Variants in CSMD2 observed in about 807,000 individuals in gnomAD.
The protein encoded by CSMD2 is CUB and Sushi multiple domains 2, also known as CUB and sushi domain-containing protein 2.
A neutral mutation model predicts 398.5 loss-of-function variants in CSMD2; 130 were observed. The observed-to-expected ratio is 0.33, with a 90% CI of 0.28 to 0.38. The LOEUF (loss-of-function observed/expected upper bound fraction) is 0.38, where lower values mean the gene tolerates loss of function less well. CSMD2 is among the 10% of genes least tolerant of loss of function. The probability of loss-of-function intolerance (pLI) is 1.00; values close to 1 mark genes in which losing one functional copy is unlikely to be tolerated. For synonymous variants in CSMD2, 1,828 were observed against 1,908.5 expected, an observed-to-expected ratio of 0.96 and a Z score of 1.10; for missense variants, 3,829 against 4,764.9, an observed-to-expected ratio of 0.80 and a Z score of 5.78.
chr1:33,927,983 C>T (rs987912995), intron 4 of CSMD2, among the ~76,000 whole-genome samples: 2 of 152,210 alleles, frequency 1.3e-5, no homozygotes, highest in African/African-American at 4.8e-5. Flanking sequence ...CATGGAAGGT[C>T]AAGGGGAAAC....
At chr1:34,019,567 C>T (rs1188348370) in intron 3 of CSMD2, among the ~76,000 whole-genome samples, 2 of 152,202 alleles carry the variant, frequency 1.3e-5, no homozygotes, top group Non-Finnish European at 2.9e-5. Context: ...TGGCACCATC[C>T]TCAGTGCTGG....
At chr1:33,951,691 A>C (rs1437213440) in intron 3 of CSMD2, among the ~76,000 whole-genome samples, 2 of 151,932 alleles carry the variant, frequency 1.3e-5, no homozygotes, top group Non-Finnish European at 1.5e-5. Context: ...GCTTCTTGTG[A>C]CTCTTTGATG....
chr1:34,156,122 G>A (rs1413165550), intron 1 of CSMD2, among the ~76,000 whole-genome samples: 1 of 152,214 alleles, frequency 6.6e-6, no homozygotes, highest in Non-Finnish European at 1.5e-5. Context: ...ACATTGAGAT[G>A]TCTGTTTTCG....
intron 10 of CSMD2, among the ~76,000 whole-genome samples, chr1:33,796,231 C>T (rs2124896767): frequency 1.3e-5 from 2 of 152,316 alleles, no homozygotes; most frequent in South Asian, 4.1e-4. Context: ...AGAGCTGAGA[C>T]CTACAATGTG....
intron 10 of CSMD2, among the ~76,000 whole-genome samples, chr1:33,796,333 C>G (rs150238846): frequency 2.7e-4 from 41 of 152,226 alleles, no homozygotes; most frequent in African/African-American, 8.2e-4. Flanking sequence ...GAGGGACCAG[C>G]TGGAGCTGTG....
chr1:33,763,412 G>T (rs1650088196), intron 13 of CSMD2, among the ~76,000 whole-genome samples: 1 of 152,156 alleles, frequency 6.6e-6, no homozygotes, highest in African/African-American at 2.4e-5. Flanking sequence ...TGGGGGACAA[G>T]GCCAAGAATT....
chr1:33,734,150 G>A (rs1453844965), intron 15 of CSMD2, among the ~76,000 whole-genome samples: 3 of 152,220 alleles, frequency 2.0e-5, no homozygotes, highest in African/African-American at 7.2e-5. Flanking sequence ...GTCATGAGGA[G>A]AACTGACCTT....
At chr1:34,005,034 C>T (rs372786144) in intron 3 of CSMD2, among the ~76,000 whole-genome samples, 2 of 152,168 alleles carry the variant, frequency 1.3e-5, no homozygotes, top group African/African-American at 4.8e-5. Context: ...AATCCCCCAC[C>T]ACTTTCCATC....
At chr1:34,086,028 AAAAAAAAG>A (rs1457895404) in intron 2 of CSMD2, among the ~76,000 whole-genome samples, 1 of 151,394 alleles carries the variant, frequency 6.6e-6, no homozygotes, top group African/African-American at 2.4e-5. Context: ...TGGAAAAAAA[AAAAAAAAG>A]AAAGAAAGAA....
chr1:33,586,937 T>C lies in CSMD2; in HGVS notation c.6937+151A>G, dbSNP rs912318796. 6 of 627,834 alleles carry C rather than the reference T, an allele frequency of 9.6e-6. No individual in the cohort carries two copies. The East Asian group carries it at 1.7e-4, about 17-fold the overall frequency. 38.9% of individuals were successfully genotyped at this position (627,834 alleles called of 1,614,324 possible). On this transcript the variant is annotated intron_variant, in intron 45 of 70. Coordinates refer to ENST00000373381, the MANE Select transcript of CSMD2 (RefSeq NM_001281956.2). ...GATTTTATTTTGGGTGTAAACTCAG[T>C]GGGCAGAACCCTCTGGCACAGGGCC...
intron 48 of CSMD2, among the ~76,000 whole-genome samples, chr1:33,578,904 T>G (rs994239292): frequency 6.6e-6 from 1 of 152,310 alleles, no homozygotes; most frequent in South Asian, 2.1e-4. Context: ...GTTTCCCTAC[T>G]CCTGCTTTGC....
At chr1:33,852,404 T>G (rs1443965565) in intron 5 of CSMD2, among the ~76,000 whole-genome samples, 1 of 152,226 alleles carries the variant, frequency 6.6e-6, no homozygotes, top group Non-Finnish European at 1.5e-5. Context: ...ACACACACTT[T>G]GAGATCCAGC....
intron 3 of CSMD2, among the ~76,000 whole-genome samples, chr1:34,019,462 C>T (rs536976733): frequency 1.3e-5 from 2 of 152,324 alleles, no homozygotes; most frequent in Non-Finnish European, 2.9e-5. Context: ...CTAAGCTGCT[C>T]CACGTAGAGG....
chr1:34,139,047 A>G (rs1014343318), intron 1 of CSMD2, among the ~76,000 whole-genome samples: 9 of 152,190 alleles, frequency 5.9e-5, no homozygotes, highest in African/African-American at 2.2e-4. Flanking sequence ...TATTTTCCCA[A>G]ATCTCTATGT....
intron 3 of CSMD2, among the ~76,000 whole-genome samples, chr1:33,951,817 C>T (rs2125371036): frequency 6.6e-6 from 1 of 152,362 alleles, no homozygotes; most frequent in East Asian, 1.9e-4. Context: ...CACCCTCAAC[C>T]ACGCACACTC....
intron 32 of CSMD2, among the ~76,000 whole-genome samples, chr1:33,629,396 C>T (rs542663980): frequency 2.0e-5 from 3 of 152,172 alleles, no homozygotes; most frequent in Admixed American, 6.5e-5. Context: ...AAATAATTCA[C>T]TTGTAAAATA....
At chr1:33,763,590 G>A (rs1297926312) in intron 13 of CSMD2, among the ~76,000 whole-genome samples, 1 of 152,236 alleles carries the variant, frequency 6.6e-6, no homozygotes, top group African/African-American at 2.4e-5. Flanking sequence ...GGCAGGGAAA[G>A]TGTTGACTAA....
At chr1:33,960,867 G>A (rs1333163126) in intron 3 of CSMD2, among the ~76,000 whole-genome samples, 1 of 152,222 alleles carries the variant, frequency 6.6e-6, no homozygotes, top group Non-Finnish European at 1.5e-5. Context: ...TGGAATTAGT[G>A]AGTTATTGGG....
rs1643167175 is a variant in CSMD2, at chr1:33,642,440, G to A, written c.4774+4208C>T. 2.0e-5 allele frequency among the ~76,000 whole-genome samples: 3 copies of A among 151,942 alleles called. No individual in the cohort carries two copies. The South Asian group carries it at 6.2e-4, about 32-fold the overall frequency. On this transcript the variant is annotated intron_variant, in intron 29 of 70. Transcript: ENST00000373381. ...AGTGAGACAGCCACATTTATCCCAGGAGAATGGAAAAGCAAGGAAAATTGA... is the reference window on the plus strand; with the variant it reads ...AGTGAGACAGCCACATTTATCCCAGAAGAATGGAAAAGCAAGGAAAATTGA...
Sources: allele counts gnomAD v4.1 joint callset (sites outside exome capture counted in the v4.1 genomes callset), GRCh38; gene constraint gnomAD v4.1.1; transcripts MANE v1.5; gene names NCBI Gene and HGNC (gene_info 2026-07-23, HGNC 2026-07-21).